The following RFC1 variants were observed in gnomAD, a reference collection of about 807,000 sequenced individuals.
RFC1 encodes A1 140 kDa subunit.
A neutral mutation model predicts 137.4 loss-of-function variants in RFC1; 37 were observed. The observed-to-expected ratio is 0.27, with a 90% CI of 0.21 to 0.35. The LOEUF (loss-of-function observed/expected upper bound fraction) is 0.35, where lower values mean the gene tolerates loss of function less well. RFC1 is among the 10% of genes least tolerant of loss of function. RFC1 has a pLI of 1.00. For synonymous variants in RFC1, 429 were observed against 455.7 expected (o/e 0.94, Z 0.75); for missense variants, 1,205 against 1,358.5 (o/e 0.89, Z 1.78).
chr4:39,334,617 T>C (rs770469858), intron 4 of RFC1, among the ~76,000 whole-genome samples: 12 of 152,182 alleles, frequency 7.9e-5, no homozygotes, highest in Non-Finnish European at 1.2e-4. Context: ...TTCCGCCTCA[T>C]AGGAAGCCAA....
chr4:39,293,666 G>T (rs1737814372), intron 22 of RFC1, among the ~76,000 whole-genome samples: 2 of 151,958 alleles, frequency 1.3e-5, no homozygotes, highest in African/African-American at 4.8e-5. Flanking sequence ...TAGATGAGGA[G>T]GCCGCAGTTC....
chr4:39,353,255 G>C (rs546449244), intron 1 of RFC1, among the ~76,000 whole-genome samples: 1 of 151,882 alleles, frequency 6.6e-6, no homozygotes, highest in Non-Finnish European at 1.5e-5. Context: ...ATGAAAATTA[G>C]CCAGGCACGG....
At position 39,366,266 on chromosome 4, in the gene RFC1, G is replaced by A. The variant is rs762435893; in HGVS notation, c.-25C>T. ...TCGCAGCCCCAGGATGAAGGCGCTG[G>A]CTGGCTGGCGGGTGGGCCGGTTGAG... On this transcript the variant is annotated 5_prime_UTR_variant, in exon 1 of 25. Transcript: ENST00000349703. 9 of 1,532,840 alleles carry A rather than the reference G, an allele frequency of 5.9e-6. No homozygotes were observed. Among genetic ancestry groups the A allele is most frequent in the Non-Finnish European group, 5.3e-6 (6 of 1,139,198 alleles). 95.0% of individuals were successfully genotyped at this position (1,532,840 alleles called of 1,614,324 possible). A position where few individuals can be genotyped will look rare whatever the true frequency, so the allele number is the denominator to read the frequency against.
intron 3 of RFC1, among the ~76,000 whole-genome samples, chr4:39,344,494 G>C (rs895506661): frequency 6.6e-6 from 1 of 152,208 alleles, no homozygotes; most frequent in Non-Finnish European, 1.5e-5. Flanking sequence ...AGGGCCAGAG[G>C]CTCATGCCTG....
chr4:39,361,361 C>T (rs968829533), intron 1 of RFC1, among the ~76,000 whole-genome samples: 3 of 152,148 alleles, frequency 2.0e-5, no homozygotes, highest in African/African-American at 7.2e-5. Flanking sequence ...CACACTCCAG[C>T]CTGGGTAACA....
chr4:39,316,021 G>A (rs980336125), intron 10 of RFC1, among the ~76,000 whole-genome samples: 3 of 151,906 alleles, frequency 2.0e-5, no homozygotes, highest in African/African-American at 7.3e-5. Context: ...ACCTGAGGTC[G>A]AGAGTTCGAG....
chr4:39,348,698 G>T (rs969686638), intron 2 of RFC1, among the ~76,000 whole-genome samples: 1 of 152,026 alleles, frequency 6.6e-6, no homozygotes, highest in Non-Finnish European at 1.5e-5. Flanking sequence ...GCAATTCAGA[G>T]ATCAACCATC....
In RFC1 at chr4:39,308,901, C is replaced by T. The variant is rs758283751; in HGVS notation, c.1620G>A (p.Lys540=). 9 of 1,614,036 alleles carry T rather than the reference C, an allele frequency of 5.6e-6. No individual in the cohort carries two copies. The Admixed American group carries it at 1.5e-4, about 27-fold the overall frequency. ...ACACATCTGTTTCCTTTTTTATTGT[C>T]TTTGCCAAACTGTCCCTTTTGGAAG... The part of the protein sequence containing the change: ...RPTSKRDSLA[K]TIKKETDVFW... The change falls in exon 13 of 25, where the codon AAG becomes AAA. Residue 540 remains lysine (K), a synonymous_variant. Transcript: ENST00000349703.
chr4:39,301,191 A>G (rs1274119314), intron 19 of RFC1, among the ~76,000 whole-genome samples: 1 of 152,230 alleles, frequency 6.6e-6, no homozygotes, highest in Admixed American at 6.5e-5. Context: ...AAGTCCACAT[A>G]CTACATGATT....
chr4:39,325,571 T>A (rs1343918970), intron 6 of RFC1, among the ~76,000 whole-genome samples: 2 of 152,072 alleles, frequency 1.3e-5, no homozygotes, highest in Non-Finnish European at 2.9e-5. Context: ...TTGGTAGAGA[T>A]GGGATTTCCC....
chr4:39,303,014 C>T (rs1299756110), intron 16 of RFC1, 46 bp downstream of exon 16: 14 of 1,522,330 alleles, frequency 9.2e-6, no homozygotes, highest in Non-Finnish European at 1.3e-5. Context: ...TTCTAACAAT[C>T]TAAATTATCA....
intron 15 of RFC1, among the ~76,000 whole-genome samples, chr4:39,304,084 C>A (rs1353892842): frequency 6.6e-6 from 1 of 152,208 alleles, no homozygotes; most frequent in East Asian, 1.9e-4. Context: ...ACCCTCCCAC[C>A]AGCCACGTCT....
At chr4:39,291,901 A>G in intron 22 of RFC1, 49 bp from the exon 23 acceptor site, 1 of 1,343,816 alleles carries the variant, frequency 7.4e-7, no homozygotes, top group Admixed American at 1.7e-5. Flanking sequence ...TATCAACTCA[A>G]GTCATACTGT....
intron 4 of RFC1, among the ~76,000 whole-genome samples, chr4:39,339,257 T>C (rs1740500030): frequency 6.6e-6 from 1 of 152,206 alleles, no homozygotes; most frequent in Non-Finnish European, 1.5e-5. Flanking sequence ...TTTAGGTATA[T>C]GCCCAGAAGA....
chr4:39,289,902 G>A lies in RFC1; in HGVS notation c.3306C>T (p.Asp1102=). Residue 1102 remains aspartate (D), a synonymous_variant, in exon 24 of 25, where the codon GAC becomes GAT. Transcript: ENST00000349703. ...SEYNEELNED[D]SQSDEKDQDA... ...CTTGGTCTTTCTCATCAGATTGAGA[G>A]TCATCTTCATTTAATTCTTCATTGT... 5.6e-6 allele frequency: 9 copies of A among 1,613,062 alleles called. No homozygotes were observed. Among genetic ancestry groups the A allele is most frequent in the East Asian group, 2.2e-5 (1 of 44,868 alleles).
chr4:39,306,354 C>T (rs562357243), intron 14 of RFC1, among the ~76,000 whole-genome samples: 8 of 152,280 alleles, frequency 5.3e-5, no homozygotes, highest in South Asian at 2.1e-4. Flanking sequence ...TACACTGCCT[C>T]GCTCGTTGGT....
intron 12 of RFC1, among the ~76,000 whole-genome samples, chr4:39,309,299 T>C (rs183434368): frequency 2.0e-5 from 3 of 152,248 alleles, no homozygotes; most frequent in Admixed American, 2.0e-4. Flanking sequence ...CAATTTTAGT[T>C]TGAAAAAAAC....
chr4:39,313,178 A>G (rs947841268), intron 10 of RFC1, among the ~76,000 whole-genome samples: 1 of 152,248 alleles, frequency 6.6e-6, no homozygotes, highest in Non-Finnish European at 1.5e-5. Flanking sequence ...CAACACTGTT[A>G]GCAAAGCTAT....
chr4:39,349,045 C>A (rs771604363), intron 2 of RFC1, among the ~76,000 whole-genome samples: 1 of 129,862 alleles, frequency 7.7e-6, no homozygotes, highest in Non-Finnish European at 1.6e-5. Flanking sequence ...CATTCCTTAT[C>A]TGGTTTCACA....
Sources: gnomAD v4.1 joint callset for allele counts (sites outside exome capture counted in the v4.1 genomes callset) on GRCh38, gnomAD v4.1.1 for gene constraint, MANE v1.5 for transcripts, NCBI Gene and HGNC (gene_info 2026-07-23, HGNC 2026-07-21) for gene names.